The following FRRS1L variants were observed in gnomAD, a reference collection of about 807,000 sequenced individuals.
The protein encoded by FRRS1L is DOMON domain-containing protein FRRS1L.
In FRRS1L, 22 loss-of-function variants were observed where a neutral mutation model predicts 28.6. The observed-to-expected ratio is 0.77, with a 90% CI of 0.55 to 1.10. FRRS1L has a LOEUF of 1.10. Ranked by LOEUF, FRRS1L falls within the 50% of genes least tolerant of loss-of-function variation. The probability of loss-of-function intolerance (pLI) is 0.00; values close to 1 mark genes in which losing one functional copy is unlikely to be tolerated. For synonymous variants in FRRS1L, 158 were observed against 151.4 expected (o/e 1.04, Z -0.32); for missense variants, 380 against 386.9 (o/e 0.98, Z 0.15).
chr9:109,166,920 C>A lies in FRRS1L; in HGVS notation c.219G>T (p.Leu73=). 7.3e-7 allele frequency: 1 copy of A among 1,372,700 alleles called. No homozygotes were observed. The highest frequency in any genetic ancestry group is 9.5e-7 in the Non-Finnish European group (1 of 1,053,744). The allele number at this position is 1,372,700 out of a possible 1,614,324, so 85.0% of individuals were successfully genotyped here. ...CCTCACCCTCCTCCGACAGGTAGCG[C>A]AGGTCGTAGAACTCCCCCGCGAAGG... ...YGTFAGEFYD[L]RYLSEEGYPF... Residue 73 remains leucine (L), a synonymous_variant, in exon 1 of 5, where the codon CTG becomes CTT. Transcript: ENST00000561981.
intron 3 of FRRS1L, among the ~76,000 whole-genome samples, chr9:109,143,504 A>T (rs1831215174): frequency 7.4e-6 from 1 of 135,456 alleles, no homozygotes; most frequent in Non-Finnish European, 1.5e-5. Flanking sequence ...ACACACGCAC[A>T]CAATAATGCA....
rs149679486 is a variant in FRRS1L at position 109,158,508 on chromosome 9, A to G, written c.238+8393T>C. ...GTCACTCCCAATTCCCCCTCCTCTC[A>G]GCCCCTGGCAACCATGAATCCACTT... On this transcript the variant is annotated intron_variant, in intron 1 of 4. Coordinates refer to ENST00000561981, the MANE Select transcript of FRRS1L (RefSeq NM_014334.4). Among the ~76,000 whole-genome samples, 218 of 152,232 alleles carry G rather than the reference A, an allele frequency of 1.4e-3. 9 individuals carry two copies. In the East Asian group the frequency reaches 0.04, roughly 28 times the overall value.
chr9:109,133,089 T>C lies in FRRS1L; in HGVS notation c.*4366A>G, dbSNP rs1831074627. ...TGTCCAAACTTTCTGATTTCTTTAATGACAAAAGCCAACTTAATTAAATAC... is the reference window on the plus strand; with the variant it reads ...TGTCCAAACTTTCTGATTTCTTTAACGACAAAAGCCAACTTAATTAAATAC... On this transcript the variant is annotated 3_prime_UTR_variant, in exon 5 of 5. Transcript: ENST00000561981. 6.6e-6 allele frequency: 1 copy of C among 152,228 alleles called. No homozygotes were observed. Among genetic ancestry groups the C allele is most frequent in the Admixed American group, 6.5e-5 (1 of 15,284 alleles). The allele number at this position is 152,228 out of a possible 1,614,324, so 9.4% of individuals were successfully genotyped here. A position where few individuals can be genotyped will look rare whatever the true frequency, so the allele number is the denominator to read the frequency against.
At chr9:109,162,431 C>T (rs1217874395) in intron 1 of FRRS1L, among the ~76,000 whole-genome samples, 1 of 152,184 alleles carries the variant, frequency 6.6e-6, no homozygotes, top group Non-Finnish European at 1.5e-5. Context: ...CCATTAAGTC[C>T]ATCAACAAAT....
At chr9:109,140,838 C>T (rs570654341) in intron 4 of FRRS1L, 1 of 155,546 alleles carries the variant, frequency 6.4e-6, no homozygotes, top group African/African-American at 2.4e-5. Flanking sequence ...CGTCTGGCCC[C>T]CGTTCAGTCT....
intron 1 of FRRS1L, among the ~76,000 whole-genome samples, chr9:109,153,203 G>A (rs1169242479): frequency 6.6e-6 from 1 of 152,130 alleles, no homozygotes. Flanking sequence ...CTGAGCAACG[G>A]GATGACTAAG....
chr9:109,139,529 A>T (rs1190499592), intron 4 of FRRS1L: 1 of 152,258 alleles, frequency 6.6e-6, no homozygotes, highest in African/African-American at 2.4e-5. Context: ...AGATATAAGG[A>T]AATGAAATTC....
At chr9:109,153,545 C>T (rs1831363553) in intron 1 of FRRS1L, among the ~76,000 whole-genome samples, 1 of 152,168 alleles carries the variant, frequency 6.6e-6, no homozygotes, top group African/African-American at 2.4e-5. Flanking sequence ...TATAATAAAA[C>T]TGTCATAGTA....
chr9:109,143,743 G>A (rs577408972), intron 3 of FRRS1L, among the ~76,000 whole-genome samples: 1 of 152,120 alleles, frequency 6.6e-6, no homozygotes, highest in South Asian at 2.1e-4. Flanking sequence ...TCAAACTCCT[G>A]ACCTCAGGGG....
At chr9:109,153,127 G>A (rs1831356557) in intron 1 of FRRS1L, among the ~76,000 whole-genome samples, 1 of 152,142 alleles carries the variant, frequency 6.6e-6, no homozygotes, top group Non-Finnish European at 1.5e-5. Flanking sequence ...TAAAACCTTG[G>A]AATTTCCCAA....
intron 1 of FRRS1L, chr9:109,149,961 G>A: frequency 2.3e-6 from 1 of 427,680 alleles, no homozygotes; most frequent in Non-Finnish European, 4.2e-6. Context: ...TTACAGGAGA[G>A]GAACCTGGGG....
intron 1 of FRRS1L, among the ~76,000 whole-genome samples, chr9:109,155,229 T>C (rs1044435063): frequency 6.6e-6 from 1 of 152,228 alleles, no homozygotes; most frequent in African/African-American, 2.4e-5. Context: ...GGTGTGCTCT[T>C]AATATATCAC....
intron 2 of FRRS1L, 199 bp from the exon 3 acceptor site, chr9:109,147,388 C>T (rs1831277325): frequency 1.8e-6 from 1 of 547,272 alleles, no homozygotes; most frequent in Non-Finnish European, 3.2e-6. Flanking sequence ...TACACAAGAA[C>T]TGCAGTCCTG....
rs1831057695 is a variant in FRRS1L, at chr9:109,131,654, T to C, written c.*5801A>G. The C allele has an allele frequency of 1.3e-5, 2 of 152,382 alleles. No individual in the cohort carries two copies. Among genetic ancestry groups the C allele is most frequent in the Admixed American group, 1.3e-4 (2 of 15,308 alleles). The allele number at this position is 152,382 out of a possible 1,614,324, so 9.4% of individuals were successfully genotyped here. A position where few individuals can be genotyped will look rare whatever the true frequency, so the allele number is the denominator to read the frequency against. On this transcript the variant is annotated 3_prime_UTR_variant, in exon 5 of 5. Coordinates refer to ENST00000561981, the MANE Select transcript of FRRS1L (RefSeq NM_014334.4). ...ATAACCCCATTGTAAGTTGTAGGAATGTATCAAATGTATATCACTTTCATA... is the reference window on the plus strand; with the variant it reads ...ATAACCCCATTGTAAGTTGTAGGAACGTATCAAATGTATATCACTTTCATA...
chr9:109,149,877 G>C (rs1344918325), intron 1 of FRRS1L, 157 bp from the exon 2 acceptor site: 8 of 621,264 alleles, frequency 1.3e-5, no homozygotes, highest in Non-Finnish European at 2.3e-5. Context: ...CCCTTCATGG[G>C]GGAGGGTGTA....
intron 1 of FRRS1L, among the ~76,000 whole-genome samples, chr9:109,158,271 G>A (rs897950052): frequency 1.3e-5 from 2 of 151,890 alleles, no homozygotes; most frequent in Non-Finnish European, 2.9e-5. Flanking sequence ...TTAAATTTTC[G>A]AGTGTATTGG....
At chr9:109,137,807 G>T in intron 4 of FRRS1L, 180 bp from the exon 5 acceptor site, 1 of 354,104 alleles carries the variant, frequency 2.8e-6, no homozygotes, top group African/African-American at 2.1e-5. Context: ...ATATAATAAA[G>T]AACATAGAAA....
intron 3 of FRRS1L, among the ~76,000 whole-genome samples, chr9:109,144,241 C>T (rs1490994400): frequency 6.6e-6 from 1 of 152,142 alleles, no homozygotes; most frequent in Admixed American, 6.5e-5. Context: ...TCATTGAAGG[C>T]TATTCTCCTG....
At chr9:109,145,269 G>A (rs1345771506) in intron 3 of FRRS1L, among the ~76,000 whole-genome samples, 2 of 152,228 alleles carry the variant, frequency 1.3e-5, no homozygotes, top group African/African-American at 4.8e-5. Flanking sequence ...CTGAGGCCCC[G>A]CCTGTGCCTG....
Sources: allele counts gnomAD v4.1 joint callset (sites outside exome capture counted in the v4.1 genomes callset), GRCh38; gene constraint gnomAD v4.1.1; transcripts MANE v1.5; gene names NCBI Gene and HGNC (gene_info 2026-07-23, HGNC 2026-07-21).